Variants in BTBD9 observed in about 807,000 individuals in gnomAD.
BTBD9 encodes BTB/POZ domain-containing protein 9.
Under a neutral mutation model 64.3 loss-of-function variants are expected in BTBD9, and 49 were observed. The ratio of observed to expected loss-of-function variants is 0.76; its 90% CI spans 0.61 to 0.97. The LOEUF is 0.97. Ranked by LOEUF, BTBD9 falls within the 50% of genes least tolerant of loss-of-function variation. The pLI is 0.00. For missense variants in BTBD9, 598 were observed against 762.1 expected, an observed-to-expected ratio of 0.78 and a Z score of 2.53; for synonymous variants, 260 against 274.7, an observed-to-expected ratio of 0.95 and a Z score of 0.53.
At chr6:38,597,184 G>C (rs908070525) in intron 2 of BTBD9, among the ~76,000 whole-genome samples, 1 of 152,106 alleles carries the variant, frequency 6.6e-6, no homozygotes, top group Non-Finnish European at 1.5e-5. Context: ...ATAAAAGCCA[G>C]ACACTGCAGT....
chr6:38,572,985 G>A (rs1246170081), intron 6 of BTBD9, among the ~76,000 whole-genome samples: 1 of 151,782 alleles, frequency 6.6e-6, no homozygotes, highest in Non-Finnish European at 1.5e-5. Flanking sequence ...TATATGACAG[G>A]CAAAAGGATA....
intron 7 of BTBD9, among the ~76,000 whole-genome samples, chr6:38,327,758 A>G (rs1763499217): frequency 6.6e-6 from 1 of 152,236 alleles, no homozygotes; most frequent in Non-Finnish European, 1.5e-5. Context: ...GTCACAGATT[A>G]GTTTGCATTA....
intron 6 of BTBD9, among the ~76,000 whole-genome samples, chr6:38,451,397 C>T (rs934328508): frequency 1.3e-5 from 2 of 152,176 alleles, no homozygotes; most frequent in African/African-American, 4.8e-5. Context: ...ACAAGAAGGT[C>T]TGATAAACCT....
intron 7 of BTBD9, among the ~76,000 whole-genome samples, chr6:38,332,540 T>G (rs999980311): frequency 6.6e-6 from 1 of 152,228 alleles, no homozygotes; most frequent in Non-Finnish European, 1.5e-5. Flanking sequence ...CACATTACTA[T>G]GCAGCACTAA....
intron 9 of BTBD9, among the ~76,000 whole-genome samples, chr6:38,246,984 T>C (rs1167159560): frequency 6.6e-6 from 1 of 152,218 alleles, no homozygotes; most frequent in Non-Finnish European, 1.5e-5. Flanking sequence ...TTCTGTTGCA[T>C]CTTATTTGTG....
intron 8 of BTBD9, among the ~76,000 whole-genome samples, chr6:38,286,380 T>G (rs530658473): frequency 6.6e-6 from 1 of 152,204 alleles, no homozygotes; most frequent in Non-Finnish European, 1.5e-5. Flanking sequence ...TATTTCTTTC[T>G]TTATACATAC....
chr6:38,256,290 T>C (rs1764576456), intron 9 of BTBD9, 119 bp downstream of exon 9: 4 of 695,582 alleles, frequency 5.8e-6, no homozygotes, highest in African/African-American at 3.6e-5. Flanking sequence ...TGGAGTGTGT[T>C]TTCCACCTCC....
At chr6:38,513,425 G>C (rs1013393969) in intron 6 of BTBD9, among the ~76,000 whole-genome samples, 1 of 151,422 alleles carries the variant, frequency 6.6e-6, no homozygotes, top group African/African-American at 2.4e-5. Context: ...TCCAGCTTGG[G>C]CAACAGAGTG....
intron 7 of BTBD9, among the ~76,000 whole-genome samples, chr6:38,326,669 T>A (rs1763446501): frequency 6.6e-6 from 1 of 151,758 alleles, no homozygotes; most frequent in Non-Finnish European, 1.5e-5. Flanking sequence ...TACTTGTGTT[T>A]CCACAGCTTA....
chr6:38,340,866 T>G (rs115164827), intron 7 of BTBD9, among the ~76,000 whole-genome samples: 2 of 152,196 alleles, frequency 1.3e-5, no homozygotes, highest in African/African-American at 2.4e-5. Context: ...TGCTTCTGGA[T>G]AGATACACAC....
chr6:38,323,583 A>C (rs1410065421), intron 7 of BTBD9, among the ~76,000 whole-genome samples: 1 of 152,236 alleles, frequency 6.6e-6, no homozygotes, highest in Non-Finnish European at 1.5e-5. Context: ...AATAAATGAC[A>C]ATAGATATCA....
intron 6 of BTBD9, among the ~76,000 whole-genome samples, chr6:38,468,139 G>A (rs978144925): frequency 4.0e-5 from 6 of 151,816 alleles, no homozygotes; most frequent in Non-Finnish European, 5.9e-5. Context: ...TTGGCTTCCC[G>A]AAGTGCTGAG....
intron 6 of BTBD9, among the ~76,000 whole-genome samples, chr6:38,352,533 G>C (rs913951119): frequency 3.9e-5 from 6 of 152,186 alleles, no homozygotes; most frequent in African/African-American, 1.4e-4. Context: ...TGACAGAACT[G>C]AATCAAAAGA....
intron 7 of BTBD9, among the ~76,000 whole-genome samples, chr6:38,301,754 T>G (rs924024409): frequency 6.6e-6 from 1 of 152,208 alleles, no homozygotes; most frequent in African/African-American, 2.4e-5. Context: ...CTCTCTTTTC[T>G]TCTATATTAG....
intron 1 of BTBD9, among the ~76,000 whole-genome samples, chr6:38,627,589 T>C (rs574822489): frequency 6.6e-6 from 1 of 152,262 alleles, no homozygotes; most frequent in South Asian, 2.1e-4. Context: ...AGCACCGGTG[T>C]TGGCAATGAA....
At chr6:38,210,069 G>A (rs1167940672) in intron 9 of BTBD9, among the ~76,000 whole-genome samples, 3 of 152,066 alleles carry the variant, frequency 2.0e-5, no homozygotes, top group African/African-American at 7.2e-5. Flanking sequence ...GACTACGTGG[G>A]GAGACAGGGG....
At chr6:38,345,720 T>C (rs913613378) in intron 6 of BTBD9, among the ~76,000 whole-genome samples, 1 of 152,248 alleles carries the variant, frequency 6.6e-6, no homozygotes, top group African/African-American at 2.4e-5. Context: ...TCTGTAGAGA[T>C]GGCCCAGCCT....
intron 9 of BTBD9, among the ~76,000 whole-genome samples, chr6:38,197,941 C>T (rs1464668188): frequency 2.6e-5 from 4 of 152,094 alleles, no homozygotes; most frequent in Non-Finnish European, 5.9e-5. Context: ...AGTGATTGTT[C>T]GCTGAGGAGA....
chr6:38,406,409 T>C (rs1260207947), intron 6 of BTBD9, among the ~76,000 whole-genome samples: 4 of 152,186 alleles, frequency 2.6e-5, no homozygotes, highest in Admixed American at 2.6e-4. Context: ...CATCACACTG[T>C]AGAGGAATAT....
Sources: allele counts gnomAD v4.1 joint callset (sites outside exome capture counted in the v4.1 genomes callset), GRCh38; gene constraint gnomAD v4.1.1; transcripts MANE v1.5; gene names NCBI Gene and HGNC (gene_info 2026-07-23, HGNC 2026-07-21).